Variants in SLIT2 observed in about 807,000 individuals in gnomAD.
The protein encoded by SLIT2 is slit homolog 2 protein.
A neutral mutation model predicts 185.7 loss-of-function variants in SLIT2; 41 were observed. The ratio of observed to expected loss-of-function variants is 0.22; its 90% CI spans 0.17 to 0.29. The LOEUF (loss-of-function observed/expected upper bound fraction) is 0.29. Ranked by LOEUF, SLIT2 falls within the 10% of genes least tolerant of loss-of-function variation. The pLI, the probability that SLIT2 is intolerant of heterozygous loss-of-function variation, is 1.00. For missense variants in SLIT2, 1,571 were observed against 1,909.0 expected, an observed-to-expected ratio of 0.82 and a Z score of 3.30; for synonymous variants, 693 against 680.2, an observed-to-expected ratio of 1.02 and a Z score of -0.29.
At chr4:20,574,916 G>A (rs1327962335) in intron 29 of SLIT2, among the ~76,000 whole-genome samples, 1 of 151,882 alleles carries the variant, frequency 6.6e-6, no homozygotes, top group East Asian at 1.9e-4. Flanking sequence ...CTCTTACAGT[G>A]TGCAGAGTTA....
chr4:20,362,089 A>C (rs1211679492), intron 4 of SLIT2, among the ~76,000 whole-genome samples: 1 of 152,252 alleles, frequency 6.6e-6, no homozygotes, highest in East Asian at 1.9e-4. Context: ...GGACAGCCTA[A>C]TTAGCCCATG....
chr4:20,465,352 G>A (rs922021664), intron 4 of SLIT2, among the ~76,000 whole-genome samples: 5 of 152,152 alleles, frequency 3.3e-5, no homozygotes, highest in African/African-American at 1.2e-4. Context: ...AAGGAAATAA[G>A]AGTTTAAGTA....
chr4:20,499,212 A>G (rs1007081293), intron 9 of SLIT2, among the ~76,000 whole-genome samples: 5 of 152,062 alleles, frequency 3.3e-5, no homozygotes, highest in Non-Finnish European at 5.9e-5. Context: ...TATCATTTGC[A>G]CACATTTTAA....
At chr4:20,549,314 A>G (rs2148889225) in intron 24 of SLIT2, among the ~76,000 whole-genome samples, 186 bp downstream of exon 24, 1 of 152,276 alleles carries the variant, frequency 6.6e-6, no homozygotes, top group East Asian at 1.9e-4. Context: ...TTTGCTTTGG[A>G]CAATATAACT....
Position 20,370,874 on chromosome 4 carries a change from G to T in SLIT2, c.396-96878G>T, listed in dbSNP as rs539786505. Among the ~76,000 whole-genome samples, 90 of 152,128 alleles carry T rather than the reference G, an allele frequency of 5.9e-4. No individual in the cohort carries two copies. The South Asian group carries it at 0.015, about 25-fold the overall frequency. On this transcript the variant is annotated intron_variant, in intron 4 of 36. Transcript: ENST00000504154. ...TTAAGCTTTGGAGAAAATGTATGCC[G>T]GATATATGATATTTATTATCCTATG...
chr4:20,417,199 G>T (rs973674072), intron 4 of SLIT2, among the ~76,000 whole-genome samples: 1 of 151,772 alleles, frequency 6.6e-6, no homozygotes, highest in South Asian at 2.1e-4. Context: ...TGCATTTATT[G>T]TCTGACTCAT....
chr4:20,266,300 T>A (rs1485180337), intron 3 of SLIT2, among the ~76,000 whole-genome samples: 1 of 151,966 alleles, frequency 6.6e-6, no homozygotes, highest in Non-Finnish European at 1.5e-5. Flanking sequence ...CTCACTTATA[T>A]CTCTGAATTT....
chr4:20,491,811 G>T lies in SLIT2; in HGVS notation c.826G>T (p.Ala276Ser), dbSNP rs148733702. Residue 276 changes from alanine (A) to serine (S), a missense_variant, in exon 9 of 37, where the codon GCC becomes TCC. Transcript: ENST00000504154. ...PSCSVLHCPA[A>S]CTCSNNIVDC... ...TTGTAGTGTTTTGCACTGCCCTGCCGCCTGTACCTGTAGCAACAATATCGT... is the reference window on the plus strand; with the variant it reads ...TTGTAGTGTTTTGCACTGCCCTGCCTCCTGTACCTGTAGCAACAATATCGT... 1.2e-6 allele frequency: 2 copies of T among 1,613,632 alleles called. No homozygotes were observed. The highest frequency in any genetic ancestry group is 1.1e-5 in the South Asian group (1 of 91,050).
At chr4:20,605,384 T>C (rs1226378035) in intron 33 of SLIT2, among the ~76,000 whole-genome samples, 1 of 152,150 alleles carries the variant, frequency 6.6e-6, no homozygotes, top group African/African-American at 2.4e-5. Context: ...GTATATAAAC[T>C]CAAGAAAACA....
intron 34 of SLIT2, among the ~76,000 whole-genome samples, chr4:20,611,882 G>T (rs1161449579): frequency 6.6e-6 from 1 of 152,138 alleles, no homozygotes; most frequent in Non-Finnish European, 1.5e-5. Flanking sequence ...CCTCATTTAA[G>T]TCCAGATCTG....
chr4:20,331,984 C>A (rs1458610403), intron 4 of SLIT2, among the ~76,000 whole-genome samples: 2 of 152,142 alleles, frequency 1.3e-5, no homozygotes, highest in Admixed American at 1.3e-4. Flanking sequence ...AATAATATTT[C>A]ATTGCATGGA....
chr4:20,610,426 A>G (rs1467696981), intron 34 of SLIT2, among the ~76,000 whole-genome samples: 2 of 152,208 alleles, frequency 1.3e-5, no homozygotes, highest in Admixed American at 1.3e-4. Context: ...TTTTGTGTCA[A>G]TCACATATGC....
At chr4:20,463,656 CA>C (rs1279503882) in intron 4 of SLIT2, among the ~76,000 whole-genome samples, 7 of 149,728 alleles carry the variant, frequency 4.7e-5, no homozygotes, top group Non-Finnish European at 8.9e-5. Flanking sequence ...GGGTGGATCA[CA>C]AGGTCAGGAG....
intron 4 of SLIT2, among the ~76,000 whole-genome samples, chr4:20,330,937 G>C (rs563922880): frequency 6.6e-6 from 1 of 152,028 alleles, no homozygotes; most frequent in African/African-American, 2.4e-5. Flanking sequence ...TGTTAAAATT[G>C]GGTCTTTAAT....
Position 20,530,008 on chromosome 4 carries a change from C to T in SLIT2, c.1613+909C>T, listed in dbSNP as rs188715021. ...CACTGTGCCTATACTCATGCCTGTA[C>T]TTAATTAATTTTTAGCAATTTGAAT... On this transcript the variant is annotated intron_variant, in intron 16 of 36. Transcript: ENST00000504154. Among the ~76,000 whole-genome samples the T allele has an allele frequency of 2.0e-5, 3 of 151,978 alleles. No homozygotes were observed. The East Asian group carries it at 5.8e-4, about 29-fold the overall frequency.
rs1456790789 is a variant in SLIT2, at chr4:20,553,839, A to G, written c.2596A>G (p.Asn866Asp). 4 of 1,599,336 alleles carry G rather than the reference A, an allele frequency of 2.5e-6. No individual in the cohort carries two copies. Among genetic ancestry groups the G allele is most frequent in the East Asian group, 2.2e-5 (1 of 44,752 alleles). ...AGCCAACCCTCTTTACTGTGATTGT[A>G]ACATGCAGTGGTTATCCGACTGGGT... is the stretch of plus-strand genomic sequence containing the variant. ...IGANPLYCDC[N>D]MQWLSDWVKS... Residue 866 changes from asparagine to aspartate, a missense_variant, in exon 26 of 37, where the codon AAC becomes GAC. Asn to Asp is a conservative substitution (Grantham distance 23, BLOSUM62 1). Transcript: ENST00000504154.
chr4:20,410,450 T>A (rs1727153781), intron 4 of SLIT2, among the ~76,000 whole-genome samples: 2 of 151,532 alleles, frequency 1.3e-5, no homozygotes, highest in African/African-American at 4.8e-5. Flanking sequence ...GAGATGGGGT[T>A]TCACCATGTT....
chr4:20,481,784 AT>A (rs1176272049), intron 6 of SLIT2, among the ~76,000 whole-genome samples: 1 of 152,032 alleles, frequency 6.6e-6, no homozygotes, highest in African/African-American at 2.4e-5. Context: ...TTTTATCAGT[AT>A]TTTTATATGG....
chr4:20,408,740 T>A (rs567317121), intron 4 of SLIT2, among the ~76,000 whole-genome samples: 61 of 152,238 alleles, frequency 4.0e-4, no homozygotes, highest in Non-Finnish European at 6.5e-4. Flanking sequence ...CTGAGAAGCC[T>A]AGGGGACAGA....
Sources: allele counts gnomAD v4.1 joint callset (sites outside exome capture counted in the v4.1 genomes callset), GRCh38; gene constraint gnomAD v4.1.1; transcripts MANE v1.5; gene names NCBI Gene and HGNC (gene_info 2026-07-23, HGNC 2026-07-21).